SIPA1L1: variants seen among roughly 807,000 people sequenced by gnomAD.
SIPA1L1 encodes the protein signal-induced proliferation-associated 1-like protein 1.
Under a neutral mutation model 162.7 loss-of-function variants are expected in SIPA1L1, and 26 were observed. The ratio of observed to expected loss-of-function variants is 0.16; its 90% CI spans 0.12 to 0.22. The LOEUF is 0.22. SIPA1L1 is among the 10% of genes least tolerant of loss of function. SIPA1L1 has a pLI of 1.00. For missense variants in SIPA1L1, 1,874 were observed against 2,241.0 expected (o/e 0.84, Z 3.31); for synonymous variants, 829 against 837.4 (o/e 0.99, Z 0.17).
chr14:71,438,284 C>T (rs1260520794), intron 2 of SIPA1L1, among the ~76,000 whole-genome samples: 2 of 152,114 alleles, frequency 1.3e-5, no homozygotes, highest in Non-Finnish European at 2.9e-5. Flanking sequence ...TCCCTCTTTC[C>T]CTGTTGAAAA....
At position 71,723,772 on chromosome 14, in the gene SIPA1L1, C is replaced by T. The variant is rs1285098392; in HGVS notation, c.4334C>T (p.Ser1445Phe). ...CCATCCTTCTCCTCCTCTTCCTCCT[C>T]CTCCTCTGGTCCTAGGAGTTTTTAC... ...LAPSFSSSSS[S>F]SSGPRSFYPR... The change falls in exon 18 of 24, where the codon TCC becomes TTC. Residue 1445 changes from serine (S) to phenylalanine (F), a missense_variant. By Grantham distance (155) the Ser-to-Phe change is radical. Around this residue, in one of 5 missense-constraint regions of SIPA1L1, gnomAD observed 936 missense variants for 1,051.9 expected, o/e 0.89. Transcript: ENST00000381232. The T allele has an allele frequency of 6.2e-7, 1 of 1,614,266 alleles. No individual in the cohort carries two copies. The highest frequency in any genetic ancestry group is 1.7e-5 in the Admixed American group (1 of 60,034).
rs768951707 is a variant in SIPA1L1 at position 71,641,136 on chromosome 14, G to A, written c.1819-9199G>A. ...GTAACAGCAAAATATATATATGATT[G>A]AATTTCCAGAAGAGAAGATATTTAT... On this transcript the variant is annotated intron_variant, in intron 7 of 23. Coordinates refer to ENST00000381232, the MANE Select transcript of SIPA1L1 (RefSeq NM_001386936.1). Among the ~76,000 whole-genome samples the A allele has an allele frequency of 4.5e-4, 68 of 152,008 alleles. 1 individual carries two copies. The highest frequency in any genetic ancestry group is 3.2e-4 in the Non-Finnish European group (22 of 67,994).
At chr14:71,700,872 C>T (rs1215044262) in intron 14 of SIPA1L1, among the ~76,000 whole-genome samples, 1 of 151,586 alleles carries the variant, frequency 6.6e-6, no homozygotes, top group Non-Finnish European at 1.5e-5. Context: ...CGGGTGCCCG[C>T]AGTCCCAGCT....
chr14:71,534,726 C>G (rs2053742629), intron 4 of SIPA1L1, among the ~76,000 whole-genome samples: 1 of 152,138 alleles, frequency 6.6e-6, no homozygotes, highest in South Asian at 2.1e-4. Flanking sequence ...TGGCTCCCTC[C>G]CTAAATTTGA....
At chr14:71,675,875 A>C (rs2045114300) in intron 12 of SIPA1L1, among the ~76,000 whole-genome samples, 8 of 152,192 alleles carry the variant, frequency 5.3e-5, no homozygotes. Context: ...CCAGGATCTA[A>C]TACAAACACA....
At chr14:71,673,363 C>T (rs1421242007) in intron 12 of SIPA1L1, among the ~76,000 whole-genome samples, 2 of 152,162 alleles carry the variant, frequency 1.3e-5, no homozygotes, top group African/African-American at 4.8e-5. Context: ...TTTTTAAGAT[C>T]TCTCTTTTTA....
At chr14:71,438,549 A>G (rs1054688229) in intron 2 of SIPA1L1, among the ~76,000 whole-genome samples, 1 of 152,204 alleles carries the variant, frequency 6.6e-6, no homozygotes, top group Non-Finnish European at 1.5e-5. Flanking sequence ...CTTTCATTCC[A>G]GAGGATTCAA....
At chr14:71,516,663 CT>C (rs910863103) in intron 3 of SIPA1L1, among the ~76,000 whole-genome samples, 7 of 151,220 alleles carry the variant, frequency 4.6e-5, no homozygotes, top group African/African-American at 1.7e-4. Context: ...GTGAGACTTA[CT>C]TTTTTTAAAA....
At position 71,650,504 on chromosome 14, in the gene SIPA1L1, C is replaced by A; in HGVS notation, c.1988C>A (p.Thr663Asn). The change falls in exon 8 of 24, where the codon ACC (threonine) becomes AAC (asparagine). Residue 663 changes from threonine to asparagine, a missense_variant. This residue lies in a region of SIPA1L1 where 685 missense variants were observed against 828.0 expected (regional missense o/e 0.83). Coordinates refer to ENST00000381232, the MANE Select transcript of SIPA1L1 (RefSeq NM_001386936.1). ...GAGAAGTATCGAGCACAGCTTGATA[C>A]CAAAAGTAAGAAATACTTACACCCT... ...GFEKYRAQLDTKTDSTGTHSL... is the reference protein window; with the variant it reads ...GFEKYRAQLDNKTDSTGTHSL... 6.2e-7 allele frequency: 1 copy of A among 1,613,844 alleles called. No individual in the cohort carries two copies. The highest frequency in any genetic ancestry group is 2.2e-5 in the East Asian group (1 of 44,874).
At chr14:71,671,096 T>C in intron 10 of SIPA1L1, 23 bp from the exon 11 acceptor site, 1 of 1,541,332 alleles carries the variant, frequency 6.5e-7, no homozygotes, top group Non-Finnish European at 8.8e-7. Flanking sequence ...CTGACGTGGC[T>C]CTCTTTGATC....
intron 2 of SIPA1L1, among the ~76,000 whole-genome samples, chr14:71,483,112 T>C (rs1020824217): frequency 2.0e-5 from 3 of 152,196 alleles, no homozygotes; most frequent in African/African-American, 4.8e-5. Flanking sequence ...TTCAAGTCTT[T>C]GGAGGGAAAA....
At chr14:71,562,232 A>G (rs2056855492) in intron 4 of SIPA1L1, among the ~76,000 whole-genome samples, 1 of 151,958 alleles carries the variant, frequency 6.6e-6, no homozygotes. Context: ...AAAAAATGAT[A>G]CTTTTGTTTA....
intron 2 of SIPA1L1, among the ~76,000 whole-genome samples, chr14:71,485,284 C>T (rs1040113660): frequency 1.3e-5 from 2 of 152,214 alleles, no homozygotes; most frequent in Admixed American, 6.5e-5. Context: ...GAAGGGGTCT[C>T]CAACCCCCGG....
intron 2 of SIPA1L1, among the ~76,000 whole-genome samples, chr14:71,464,063 G>A (rs2046803974): frequency 6.6e-6 from 1 of 152,192 alleles, no homozygotes; most frequent in Non-Finnish European, 1.5e-5. Flanking sequence ...AGCAATTACA[G>A]TGCTTTTCAC....
At chr14:71,441,898 G>A (rs1048326050) in intron 2 of SIPA1L1, among the ~76,000 whole-genome samples, 22 of 152,106 alleles carry the variant, frequency 1.4e-4, no homozygotes, top group Admixed American at 1.3e-3. Flanking sequence ...ATGGCCAGGT[G>A]TGGTGGCTCC....
chr14:71,639,867 A>G (rs1004263799), intron 7 of SIPA1L1, among the ~76,000 whole-genome samples: 1 of 152,046 alleles, frequency 6.6e-6, no homozygotes, highest in African/African-American at 2.4e-5. Context: ...CTGGACATCC[A>G]TAAACAAAAT....
In SIPA1L1 at chr14:71,709,758, GA is replaced by G; in HGVS notation, c.4208+97del. ...TTTACTTTGCTCAATAGTGTATAAG[GA>G]AAGGAGGTTTTTCTGCAGTGACAAT... On this transcript the variant is annotated intron_variant, in intron 17 of 23. Coordinates refer to ENST00000381232, the MANE Select transcript of SIPA1L1 (RefSeq NM_001386936.1). The G allele has an allele frequency of 1.8e-5, 19 of 1,033,070 alleles. 1 individual carries two copies. The South Asian group carries it at 3.2e-4, about 17-fold the overall frequency. The allele number at this position is 1,033,070 out of a possible 1,614,324, so 64.0% of individuals were successfully genotyped here. A position where few individuals can be genotyped will look rare whatever the true frequency, so the allele number is the denominator to read the frequency against.
At chr14:71,725,291 A>G (rs2084130657) in intron 19 of SIPA1L1, among the ~76,000 whole-genome samples, 1 of 152,192 alleles carries the variant, frequency 6.6e-6, no homozygotes, top group Non-Finnish European at 1.5e-5. Flanking sequence ...CTGGCCATAT[A>G]TGGTATTCTC....
intron 2 of SIPA1L1, among the ~76,000 whole-genome samples, chr14:71,437,399 G>C (rs558839864): frequency 1.3e-5 from 2 of 151,934 alleles, no homozygotes; most frequent in South Asian, 4.2e-4. Context: ...GCAGAGTCTC[G>C]TTCTGTCACC....
Sources: gnomAD v4.1 joint callset for allele counts (sites outside exome capture counted in the v4.1 genomes callset) on GRCh38, gnomAD v4.1.1 for gene constraint, gnomAD v4.1.1 regional missense constraint, MANE v1.5 for transcripts, NCBI Gene and HGNC (gene_info 2026-07-23, HGNC 2026-07-21) for gene names.